CHLSN: variants seen among roughly 807,000 people sequenced by gnomAD.
CHLSN encodes protein cholesin.
the CHLSN span, among the ~76,000 whole-genome samples, chr7:1,098,348 CA>C: frequency 6.6e-6 from 1 of 152,328 alleles, no homozygotes; most frequent in East Asian, 1.9e-4. Context: ...GCACTGTCCA[CA>C]AGAATCAACA....
chr7:1,054,653 G>C, the CHLSN span, among the ~76,000 whole-genome samples: 2 of 152,238 alleles, frequency 1.3e-5, no homozygotes, highest in African/African-American at 4.8e-5. Flanking sequence ...AGTCCAGGCA[G>C]CTTCTCTCTG....
chr7:1,093,041 G>A, the CHLSN span: 4 of 716,532 alleles, frequency 5.6e-6, no homozygotes, highest in African/African-American at 1.7e-5. Context: ...CTCACGACTG[G>A]TCACCTTGCA....
At chr7:1,012,753 G>A in the CHLSN span, among the ~76,000 whole-genome samples, 16 of 152,246 alleles carry the variant, frequency 1.1e-4, no homozygotes, top group South Asian at 4.1e-4. Context: ...AGGGTGCTGC[G>A]CCCGGAGAGC....
the CHLSN span, among the ~76,000 whole-genome samples, chr7:1,119,709 T>G: frequency 6.6e-6 from 1 of 152,044 alleles, no homozygotes; most frequent in Non-Finnish European, 1.5e-5. Flanking sequence ...AAACCCTGTC[T>G]CTACAAAAAA....
At chr7:989,234 CA>C in the CHLSN span, 81 of 205,766 alleles carry the variant, frequency 3.9e-4, 1 homozygote, top group South Asian at 0.012. Flanking sequence ...GCGAGCCCTG[CA>C]CCCCCCAGGT....
chr7:1,083,563 G>C, the CHLSN span, among the ~76,000 whole-genome samples: 10 of 152,126 alleles, frequency 6.6e-5, no homozygotes, highest in East Asian at 1.9e-4. Context: ...GGGAGGTGGA[G>C]CTTGCAGTGA....
chr7:1,016,728 G>C, the CHLSN span, among the ~76,000 whole-genome samples: 177 of 104,868 alleles, frequency 1.7e-3, 9 homozygotes, highest in African/African-American at 8.1e-3. Flanking sequence ...GCAGCACACA[G>C]CAGCACACGC....
the CHLSN span, among the ~76,000 whole-genome samples, chr7:1,024,032 G>T: frequency 2.0e-5 from 3 of 152,032 alleles, no homozygotes; most frequent in Admixed American, 6.5e-5. Flanking sequence ...ATAGAGATAG[G>T]ACCAAGGCTG....
At chr7:998,746 A>G in the CHLSN span, among the ~76,000 whole-genome samples, 2 of 152,182 alleles carry the variant, frequency 1.3e-5, no homozygotes, top group Non-Finnish European at 2.9e-5. Context: ...ACGCCCGGCT[A>G]CACAGTCTTA....
At chr7:1,024,061 A>G in the CHLSN span, among the ~76,000 whole-genome samples, 501 of 152,326 alleles carry the variant, frequency 3.3e-3, 4 homozygotes, top group African/African-American at 0.011. Context: ...CTCCTGAGCT[A>G]AAGTGATCCT....
chr7:1,015,146 G>A, the CHLSN span, among the ~76,000 whole-genome samples: 1 of 152,234 alleles, frequency 6.6e-6, no homozygotes, highest in African/African-American at 2.4e-5. Context: ...TCACACCAGG[G>A]AGGTGTGATG....
chr7:1,115,952 A>T, the CHLSN span, among the ~76,000 whole-genome samples: 4 of 95,588 alleles, frequency 4.2e-5, no homozygotes, highest in Admixed American at 1.1e-4. Flanking sequence ...CCATCACCAA[A>T]GCCCACGCAG....
At chr7:1,066,505 A>T in the CHLSN span, among the ~76,000 whole-genome samples, 1 of 152,226 alleles carries the variant, frequency 6.6e-6, no homozygotes, top group African/African-American at 2.4e-5. Context: ...ATCCCGGGCC[A>T]TTCCTTCCAG....
the CHLSN span, chr7:985,219 G>A: frequency 0.061 from 94,575 of 1,556,724 alleles, 3,232 homozygotes; most frequent in Admixed American, 0.13. Context: ...TATCACCTTC[G>A]CGCTCCTCTT....
chr7:1,120,644 C>A, the CHLSN span, among the ~76,000 whole-genome samples: 1 of 152,190 alleles, frequency 6.6e-6, no homozygotes, highest in Admixed American at 6.5e-5. Context: ...CCAGCAATTC[C>A]GGTCCTCGGA....
At chr7:1,092,216 T>C in the CHLSN span, 15 of 1,612,874 alleles carry the variant, frequency 9.3e-6, no homozygotes, top group African/African-American at 2.7e-5. Flanking sequence ...GCCAGGGCCA[T>C]GCGCTGCAGC....
At chr7:998,172 T>C in the CHLSN span, among the ~76,000 whole-genome samples, 6 of 152,150 alleles carry the variant, frequency 3.9e-5, no homozygotes, top group Non-Finnish European at 8.8e-5. Flanking sequence ...CTTGGCACGC[T>C]CGCCTTTCTG....
At chr7:1,002,948 T>A in the CHLSN span, among the ~76,000 whole-genome samples, 1 of 83,726 alleles carries the variant, frequency 1.2e-5, no homozygotes, top group Non-Finnish European at 2.4e-5. Context: ...TGTGGGTGAG[T>A]GGAGTCCTGT....
At chr7:1,123,105 C>T in the CHLSN span, among the ~76,000 whole-genome samples, 8 of 152,158 alleles carry the variant, frequency 5.3e-5, no homozygotes, top group African/African-American at 1.9e-4. This position sits in a 1 kb window ranked among gnomAD's most constrained non-coding sequence, Gnocchi z 4.4. Flanking sequence ...TGCCCAGGAC[C>T]GAGGAACGGC....
Sources: gnomAD v4.1 joint callset for allele counts (sites outside exome capture counted in the v4.1 genomes callset) on GRCh38, gnomAD v4.1.1 for gene constraint, Gnocchi (gnomAD v3.1) non-coding constraint, MANE v1.5 for transcripts, NCBI Gene and HGNC (gene_info 2026-07-23, HGNC 2026-07-21) for gene names.